Variants in RANBP17 observed in about 807,000 individuals in gnomAD.
The protein encoded by RANBP17 is ran-binding protein 17.
RANBP17 carries 158 observed loss-of-function variants against 141.2 expected under a neutral mutation model. The observed-to-expected ratio is 1.12, with a 90% CI of 0.98 to 1.28. The LOEUF (loss-of-function observed/expected upper bound fraction) is 1.28, where lower values mean the gene tolerates loss of function less well. Ranked by LOEUF, RANBP17 falls within the 50% of genes most tolerant of loss-of-function variation. The pLI, the probability that RANBP17 is intolerant of heterozygous loss-of-function variation, is 0.00. For synonymous variants in RANBP17, 430 were observed against 450.0 expected (o/e 0.96, Z 0.56); for missense variants, 1,438 against 1,290.7 (o/e 1.11, Z -1.75).
At chr5:171,109,443 A>G (rs1021097050) in intron 14 of RANBP17, among the ~76,000 whole-genome samples, 1 of 152,158 alleles carries the variant, frequency 6.6e-6, no homozygotes, top group African/African-American at 2.4e-5. Context: ...TGAAGTTTTA[A>G]TTGTAATTTG....
At position 171,193,203 on chromosome 5, in the gene RANBP17, G is replaced by A. The variant is rs139885059; in HGVS notation, c.2039-6467G>A. On this transcript the variant is annotated intron_variant, in intron 18 of 27. Transcript: ENST00000523189. ...ACACCTACTTTCTTGCAAAAGTGTTGGATGTGATTCTTGGATGGAAATATA... is the reference window on the plus strand; with the variant it reads ...ACACCTACTTTCTTGCAAAAGTGTTAGATGTGATTCTTGGATGGAAATATA... Among the ~76,000 whole-genome samples, 9 of 152,228 alleles carry A rather than the reference G, an allele frequency of 5.9e-5. No individual in the cohort carries two copies. The East Asian group carries it at 1.5e-3, about 26-fold the overall frequency.
At chr5:171,212,648 G>C (rs989727704) in intron 20 of RANBP17, among the ~76,000 whole-genome samples, 2 of 152,056 alleles carry the variant, frequency 1.3e-5, no homozygotes, top group Non-Finnish European at 2.9e-5. Context: ...ATTTCTACCC[G>C]GACCACACTG....
At chr5:171,287,217 G>A (rs1768219663) in intron 25 of RANBP17, among the ~76,000 whole-genome samples, 3 of 152,214 alleles carry the variant, frequency 2.0e-5, no homozygotes, top group Non-Finnish European at 4.4e-5. Context: ...TTGGCCGGGT[G>A]CAGTGGCTCA....
intron 13 of RANBP17, among the ~76,000 whole-genome samples, chr5:170,959,222 A>G (rs1775960563): frequency 6.6e-6 from 1 of 152,178 alleles, no homozygotes; most frequent in South Asian, 2.1e-4. Context: ...TAACTAGCTC[A>G]GAGTTTTCCT....
At chr5:171,079,618 A>G (rs1440863668) in intron 14 of RANBP17, among the ~76,000 whole-genome samples, 1 of 152,220 alleles carries the variant, frequency 6.6e-6, no homozygotes, top group Non-Finnish European at 1.5e-5. Flanking sequence ...AGACACCAAC[A>G]TCGAGGCCAG....
At chr5:170,901,273 T>G (rs1405002858) in intron 5 of RANBP17, among the ~76,000 whole-genome samples, 1 of 152,242 alleles carries the variant, frequency 6.6e-6, no homozygotes, top group East Asian at 1.9e-4. Flanking sequence ...ATGCCCTTCT[T>G]TGTCTCCTTC....
intron 16 of RANBP17, among the ~76,000 whole-genome samples, chr5:171,180,780 G>A (rs1483592516): frequency 2.0e-5 from 3 of 152,058 alleles, no homozygotes; most frequent in East Asian, 1.9e-4. Flanking sequence ...AAGGCAGTGA[G>A]GCTGGCCTTG....
chr5:171,103,145 G>A (rs1787290862), intron 14 of RANBP17, among the ~76,000 whole-genome samples: 1 of 152,178 alleles, frequency 6.6e-6, no homozygotes, highest in African/African-American at 2.4e-5. Context: ...GAGATCTGCT[G>A]CTCTCTTCCA....
At chr5:171,006,857 C>T (rs575027338) in intron 14 of RANBP17, among the ~76,000 whole-genome samples, 117 of 152,012 alleles carry the variant, frequency 7.7e-4, no homozygotes, top group South Asian at 2.1e-3. Flanking sequence ...TTCGTCTTTA[C>T]GTTGGGTATT....
intron 14 of RANBP17, among the ~76,000 whole-genome samples, chr5:171,022,947 C>T (rs1780981248): frequency 6.6e-6 from 1 of 152,186 alleles, no homozygotes; most frequent in Non-Finnish European, 1.5e-5. Flanking sequence ...CCATGGGTTG[C>T]ACAGTTCTGT....
rs140966343 is a variant in RANBP17 at position 171,121,004 on chromosome 5, C to T, written c.1711-49126C>T. On this transcript the variant is annotated intron_variant, in intron 14 of 27. Coordinates refer to ENST00000523189, the MANE Select transcript of RANBP17 (RefSeq NM_022897.5). ...CTGTGTAGCTTCTTTAGCTGTAATC[C>T]ACGCTAGTCGTGTATGCAAGTGTCT... Among the ~76,000 whole-genome samples, 1,386 of 152,186 alleles carry T rather than the reference C, an allele frequency of 9.1e-3. 70 individuals are homozygous for T. Among genetic ancestry groups the T allele is most frequent in the Admixed American group, 0.082 (1,252 of 15,288 alleles).
At position 171,299,233 on chromosome 5, in the gene RANBP17, A is replaced by T; in HGVS notation, c.*375A>T. 4.0e-6 allele frequency: 1 copy of T among 251,970 alleles called. No homozygotes were observed. Among genetic ancestry groups the T allele is most frequent in the African/African-American group, 2.2e-5 (1 of 45,886 alleles). 15.6% of individuals were successfully genotyped at this position (251,970 alleles called of 1,614,324 possible). A position where few individuals can be genotyped will look rare whatever the true frequency, so the allele number is the denominator to read the frequency against. On this transcript the variant is annotated 3_prime_UTR_variant, in exon 28 of 28. Transcript: ENST00000523189. ...AAGGTTGTCAATTTGTTGGAGATGC[A>T]GCCTTCACCATGGATCCTGGATTGA...
At chr5:170,981,361 G>T (rs961418572) in intron 14 of RANBP17, among the ~76,000 whole-genome samples, 1 of 152,166 alleles carries the variant, frequency 6.6e-6, no homozygotes, top group African/African-American at 2.4e-5. Flanking sequence ...GGGGCCAGGA[G>T]TGGAATGATA....
chr5:171,176,698 AC>A (rs1207068664), intron 16 of RANBP17, among the ~76,000 whole-genome samples: 1 of 152,234 alleles, frequency 6.6e-6, no homozygotes, highest in African/African-American at 2.4e-5. Context: ...TGGGTATGTG[AC>A]ATTGTGATAT....
intron 14 of RANBP17, among the ~76,000 whole-genome samples, chr5:171,145,397 T>C: frequency 6.6e-6 from 1 of 151,474 alleles, no homozygotes; most frequent in East Asian, 1.9e-4. Flanking sequence ...AAGATTTGTC[T>C]TTTTTTTTAA....
At chr5:171,123,421 A>G (rs1044337274) in intron 14 of RANBP17, among the ~76,000 whole-genome samples, 1 of 152,206 alleles carries the variant, frequency 6.6e-6, no homozygotes, top group Non-Finnish European at 1.5e-5. Context: ...GCTGGCACAC[A>G]TGTATGTCAT....
chr5:171,244,907 C>T (rs957932343), intron 24 of RANBP17, among the ~76,000 whole-genome samples: 16 of 152,026 alleles, frequency 1.1e-4, no homozygotes, highest in East Asian at 3.9e-4. Flanking sequence ...GGGCGGATCA[C>T]GAGGTCAGGA....
chr5:171,028,972 T>C, intron 14 of RANBP17: 1 of 1,285,386 alleles, frequency 7.8e-7, no homozygotes. Context: ...GAACCAGGGA[T>C]CACAGTCTAA....
intron 8 of RANBP17, 142 bp downstream of exon 8, chr5:170,914,382 T>C: frequency 1.6e-6 from 1 of 607,228 alleles, no homozygotes; most frequent in Non-Finnish European, 2.9e-6. Flanking sequence ...GGATGTATAC[T>C]GCTTAAACTA....
Sources: allele counts gnomAD v4.1 joint callset (sites outside exome capture counted in the v4.1 genomes callset), GRCh38; gene constraint gnomAD v4.1.1; transcripts MANE v1.5; gene names NCBI Gene and HGNC (gene_info 2026-07-23, HGNC 2026-07-21).